Variants in ACAT2 observed in about 807,000 individuals in gnomAD.
ACAT2 encodes the protein acetyl-CoA acetyltransferase 2, also known as acetyl-CoA acetyltransferase, cytosolic.
In ACAT2, 26 loss-of-function variants were observed where a neutral mutation model predicts 37.1. That is an observed-to-expected ratio of 0.70 (90% CI 0.51 to 0.97). ACAT2 has a LOEUF of 0.97. Among genes scored for constraint, ACAT2 ranks in the 50% least tolerant of loss-of-function variants. The probability of loss-of-function intolerance (pLI) is 0.00; values close to 1 mark genes in which losing one functional copy is unlikely to be tolerated. For missense variants in ACAT2, 468 were observed against 489.0 expected (o/e 0.96, Z 0.40); for synonymous variants, 156 against 163.6 (o/e 0.95, Z 0.35).
At position 159,779,017 on chromosome 6, in the gene ACAT2, C is replaced by T; in HGVS notation, c.*188C>T. 6.3e-7 allele frequency: 1 copy of T among 1,598,820 alleles called. No homozygotes were observed. The highest frequency in any genetic ancestry group is 2.2e-5 in the East Asian group (1 of 44,696). ...CAAGGTACAAGACAATTGCATTTAA[C>T]ATTGTTATAAATAAAAGGAACATCA... is the stretch of plus-strand genomic sequence containing the variant. On this transcript the variant is annotated 3_prime_UTR_variant, in exon 9 of 9. Transcript: ENST00000367048.
At chr6:159,770,910 C>G (rs1198456797) in intron 4 of ACAT2, among the ~76,000 whole-genome samples, 1 of 152,002 alleles carries the variant, frequency 6.6e-6, no homozygotes, top group Admixed American at 6.6e-5. Flanking sequence ...ACTAAAAATA[C>G]AAAAATGAGC....
intron 6 of ACAT2, among the ~76,000 whole-genome samples, 166 bp downstream of exon 6, chr6:159,776,438 T>C (rs1372529679): frequency 1.3e-5 from 2 of 152,206 alleles, no homozygotes; most frequent in Non-Finnish European, 2.9e-5. Flanking sequence ...ACTTGCAGCC[T>C]CAAACTCCTG....
intron 8 of ACAT2, 142 bp from the exon 9 acceptor site, chr6:159,778,517 A>G: frequency 1.0e-6 from 1 of 969,000 alleles, no homozygotes; most frequent in Non-Finnish European, 1.5e-6. Context: ...ACAAAGGTGT[A>G]AATTTATTCC....
At position 159,777,746 on chromosome 6, in the gene ACAT2, A is replaced by G. The variant is rs200278013; in HGVS notation, c.912+290A>G. On this transcript the variant is annotated intron_variant, in intron 7 of 8. Transcript: ENST00000367048. ...TCTTCATTTCGTAGAGACAAGGTCT[A>G]TGTCGCCCAGGCTGGTTTTGAACTC... 4.5e-3 allele frequency among the ~76,000 whole-genome samples: 195 copies of G among 43,694 alleles called. 1 individual carries two copies. The highest frequency in any genetic ancestry group is 0.011 in the Middle Eastern group (1 of 88). The allele number at this position is 43,694 out of a possible 152,430, so 28.7% of individuals were successfully genotyped here.
At chr6:159,765,984 C>G (rs1237131247) in intron 2 of ACAT2, among the ~76,000 whole-genome samples, 1 of 152,132 alleles carries the variant, frequency 6.6e-6, no homozygotes, top group Non-Finnish European at 1.5e-5. Context: ...AAACATTTAC[C>G]ATTGACTCTG....
chr6:159,774,884 A>T (rs1251355662), intron 4 of ACAT2, among the ~76,000 whole-genome samples: 1 of 152,240 alleles, frequency 6.6e-6, no homozygotes, highest in South Asian at 2.1e-4. Context: ...ATATTAAAGC[A>T]AATGGAGGGA....
rs959343800 is a variant in ACAT2 at position 159,778,466 on chromosome 6, G to A, written c.1023+186G>A. The A allele has an allele frequency of 1.7e-5, 12 of 700,364 alleles. No individual in the cohort carries two copies. In the African/African-American group the frequency reaches 2.2e-4, roughly 13 times the overall value. The allele number at this position is 700,364 out of a possible 1,614,324, so 43.4% of individuals were successfully genotyped here. On this transcript the variant is annotated intron_variant, in intron 8 of 8. Coordinates refer to ENST00000367048, the MANE Select transcript of ACAT2 (RefSeq NM_005891.3). ...AAAAAAAAAGACATTGGCTTACTTG[G>A]CATAAAAGGAACGAGGTAAGATAGG...
chr6:159,774,079 C>T (rs969115931), intron 4 of ACAT2, among the ~76,000 whole-genome samples: 4 of 152,186 alleles, frequency 2.6e-5, no homozygotes, highest in Admixed American at 2.6e-4. Context: ...TCAAAGATAA[C>T]ATCACCTGGG....
chr6:159,766,123 G>C (rs564237921), intron 2 of ACAT2, among the ~76,000 whole-genome samples: 23 of 152,234 alleles, frequency 1.5e-4, no homozygotes, highest in South Asian at 1.0e-3. Context: ...AAAGATATTT[G>C]TGTTTCAGTA....
chr6:159,762,514 G>C, intron 1 of ACAT2: 5 of 1,304,404 alleles, frequency 3.8e-6, no homozygotes, highest in Non-Finnish European at 4.9e-6. Flanking sequence ...CTGCTAGGTG[G>C]TCTGAGCCCG....
intron 3 of ACAT2, 65 bp from the exon 4 acceptor site, chr6:159,768,446 G>A: frequency 1.7e-6 from 2 of 1,169,350 alleles, no homozygotes; most frequent in Non-Finnish European, 2.6e-6. Context: ...ATAGTTTTGA[G>A]TTGTATTCTG....
At chr6:159,769,273 G>A (rs1780300296) in intron 4 of ACAT2, among the ~76,000 whole-genome samples, 1 of 152,200 alleles carries the variant, frequency 6.6e-6, no homozygotes, top group Admixed American at 6.5e-5. Flanking sequence ...TTAGGGATAT[G>A]GGAAGCAATG....
At chr6:159,770,619 C>T (rs1780320128) in intron 4 of ACAT2, among the ~76,000 whole-genome samples, 1 of 151,116 alleles carries the variant, frequency 6.6e-6, no homozygotes, top group South Asian at 2.1e-4. Context: ...TGAGACTAGG[C>T]TGAGCAACAT....
intron 2 of ACAT2, among the ~76,000 whole-genome samples, chr6:159,763,928 C>G (rs1164934440): frequency 1.3e-5 from 2 of 151,732 alleles, no homozygotes; most frequent in Admixed American, 1.3e-4. Flanking sequence ...GGTGAAACCC[C>G]GTTTCTACTA....
In ACAT2 at chr6:159,778,822, G is replaced by A. The variant is rs766982295; in HGVS notation, c.1187G>A (p.Arg396Lys). ...ATGGGAATAGCAATGTGTGTTCAGA[G>A]AGAATGAATTGCTTAAACTTTGAAC... ...GGMGIAMCVQ[R>K]E The change falls in exon 9 of 9, where the codon AGA becomes AAA. Residue 396 changes from arginine to lysine, a missense_variant. By Grantham distance (26) the Arg-to-Lys change is conservative. Coordinates refer to ENST00000367048, the MANE Select transcript of ACAT2 (RefSeq NM_005891.3). The A allele has an allele frequency of 3.9e-5, 63 of 1,614,052 alleles. No homozygotes were observed. The South Asian group carries it at 5.2e-4, about 13-fold the overall frequency.
intron 2 of ACAT2, among the ~76,000 whole-genome samples, chr6:159,766,669 G>A (rs1386566279): frequency 6.6e-6 from 1 of 152,154 alleles, no homozygotes; most frequent in Non-Finnish European, 1.5e-5. Flanking sequence ...CCAAAGTGCT[G>A]GGATTACAGG....
rs1780437444 is a variant in ACAT2, at chr6:159,777,298, A to T, written c.758-4A>T. On this transcript the variant is annotated splice_polypyrimidine_tract_variant and splice_region_variant and intron_variant, in intron 6 of 8. Transcript: ENST00000367048. ...GTAGAAATTAAGTCACTCATATTTTACAGGAATAAATGATGGTGCTGCAGC... is the reference window on the plus strand; with the variant it reads ...GTAGAAATTAAGTCACTCATATTTTTCAGGAATAAATGATGGTGCTGCAGC... The T allele has an allele frequency of 6.2e-7, 1 of 1,609,326 alleles. No individual in the cohort carries two copies. Among genetic ancestry groups the T allele is most frequent in the African/African-American group, 1.3e-5 (1 of 74,676 alleles).
chr6:159,773,956 A>G (rs1780376948), intron 4 of ACAT2, among the ~76,000 whole-genome samples: 1 of 152,250 alleles, frequency 6.6e-6, no homozygotes, highest in Admixed American at 6.5e-5. Flanking sequence ...GGAAGAAGAT[A>G]TTTGGATAAT....
In ACAT2 at chr6:159,762,058, C is replaced by T. The variant is rs1035955043; in HGVS notation, c.-30C>T. 5.0e-6 allele frequency: 8 copies of T among 1,610,854 alleles called. No homozygotes were observed. The highest frequency in any genetic ancestry group is 6.8e-6 in the Non-Finnish European group (8 of 1,178,464). On this transcript the variant is annotated 5_prime_UTR_variant, in exon 1 of 9. Transcript: ENST00000367048. Reference sequence around the variant, plus strand: ...GGAGCTTTGCCTAGCTTGCAGGCAGCGCAGGGCAGACGGCGGCAGGAGAAG... The same window carrying T: ...GGAGCTTTGCCTAGCTTGCAGGCAGTGCAGGGCAGACGGCGGCAGGAGAAG...
Sources: gnomAD v4.1 joint callset for allele counts (sites outside exome capture counted in the v4.1 genomes callset) on GRCh38, gnomAD v4.1.1 for gene constraint, MANE v1.5 for transcripts, NCBI Gene and HGNC (gene_info 2026-07-23, HGNC 2026-07-21) for gene names.